Variants in EIPR1 observed in about 807,000 individuals in gnomAD.
EIPR1 encodes the protein EARP complex and GARP complex interacting protein 1, also known as EARP and GARP complex-interacting protein 1.
In EIPR1, 25 loss-of-function variants were observed where a neutral mutation model predicts 48.1. That is an observed-to-expected ratio of 0.52 (90% CI 0.38 to 0.73). EIPR1 has a LOEUF of 0.73. Ranked by LOEUF, EIPR1 falls within the 30% of genes least tolerant of loss-of-function variation. The probability of loss-of-function intolerance (pLI) is 0.00; values close to 1 mark genes in which losing one functional copy is unlikely to be tolerated. For missense variants in EIPR1, 415 were observed against 506.2 expected (o/e 0.82, Z 1.73); for synonymous variants, 204 against 201.9 (o/e 1.01, Z -0.09).
At chr2:3,317,612 C>A (rs1203402714) in intron 3 of EIPR1, among the ~76,000 whole-genome samples, 4 of 152,188 alleles carry the variant, frequency 2.6e-5, no homozygotes, top group Admixed American at 2.6e-4. Context: ...ACTGAAGACT[C>A]CAAGCTATAT....
At chr2:3,323,114 A>G (rs1669586735) in intron 3 of EIPR1, among the ~76,000 whole-genome samples, 1 of 83,522 alleles carries the variant, frequency 1.2e-5, no homozygotes, top group South Asian at 5.6e-4. Flanking sequence ...TTTTCTTTAA[A>G]AAAAAAAAAC....
intron 3 of EIPR1, among the ~76,000 whole-genome samples, chr2:3,273,529 G>A (rs970563722): frequency 1.4e-4 from 11 of 78,452 alleles, no homozygotes; most frequent in African/African-American, 2.3e-4. Context: ...TCACACACAC[G>A]CAAAAAAAAA....
chr2:3,221,700 A>AGTT (rs1237315404), intron 4 of EIPR1, among the ~76,000 whole-genome samples: 15 of 20,752 alleles, frequency 7.2e-4, no homozygotes, highest in Admixed American at 3.5e-3. Flanking sequence ...ATTCACAGTG[A>AGTT]GACCGGAACA....
chr2:3,265,979 T>C (rs1022507210), intron 3 of EIPR1, among the ~76,000 whole-genome samples: 2 of 152,176 alleles, frequency 1.3e-5, no homozygotes, highest in African/African-American at 4.8e-5. Flanking sequence ...CTACCTACTT[T>C]TCACATGTTA....
At chr2:3,354,049 C>T (rs960627371) in intron 2 of EIPR1, among the ~76,000 whole-genome samples, 10 of 152,176 alleles carry the variant, frequency 6.6e-5, no homozygotes, top group African/African-American at 1.7e-4. Context: ...GGCCATGAAC[C>T]GAATCCGATC....
intron 4 of EIPR1, among the ~76,000 whole-genome samples, chr2:3,216,038 G>T (rs887173261): frequency 6.6e-6 from 1 of 152,138 alleles, no homozygotes; most frequent in African/African-American, 2.4e-5. Context: ...TAAGACAATG[G>T]CTGACTCTAA....
chr2:3,218,259 C>T (rs1447436234), intron 4 of EIPR1, among the ~76,000 whole-genome samples: 1 of 149,806 alleles, frequency 6.7e-6, no homozygotes, highest in Non-Finnish European at 1.5e-5. Flanking sequence ...CTAGAGCGTT[C>T]ACAGTGACCC....
chr2:3,311,142 T>C (rs1232123447), intron 3 of EIPR1, among the ~76,000 whole-genome samples: 1 of 152,158 alleles, frequency 6.6e-6, no homozygotes, highest in African/African-American at 2.4e-5. Flanking sequence ...GGTTACTACT[T>C]ACTTAGGCCT....
chr2:3,307,780 T>C (rs1165271739), intron 3 of EIPR1, among the ~76,000 whole-genome samples: 1 of 152,218 alleles, frequency 6.6e-6, no homozygotes, highest in Non-Finnish European at 1.5e-5. Context: ...TTTGATAGTA[T>C]AGTAGGAAAA....
intron 1 of EIPR1, among the ~76,000 whole-genome samples, chr2:3,367,207 G>T (rs1464598012): frequency 6.6e-6 from 1 of 151,990 alleles, no homozygotes; most frequent in Non-Finnish European, 1.5e-5. Context: ...TCTTGGGTGG[G>T]TAAATCCACG....
intron 1 of EIPR1, among the ~76,000 whole-genome samples, chr2:3,376,354 T>C (rs2103398828): frequency 6.6e-6 from 1 of 152,110 alleles, no homozygotes; most frequent in South Asian, 2.1e-4. Context: ...GGGTGGCATA[T>C]GTTATTCTAC....
chr2:3,252,626 G>A (rs769210319), intron 4 of EIPR1, among the ~76,000 whole-genome samples: 45 of 152,078 alleles, frequency 3.0e-4, no homozygotes, highest in Non-Finnish European at 6.0e-4. Context: ...TGGGCAAAAT[G>A]GCAAGAAATC....
intron 3 of EIPR1, among the ~76,000 whole-genome samples, chr2:3,278,042 C>G (rs368325310): frequency 3.2e-4 from 48 of 152,300 alleles, no homozygotes; most frequent in African/African-American, 1.1e-3. Context: ...TAGGGAACTG[C>G]CCTTCCTAAT....
intron 5 of EIPR1, among the ~76,000 whole-genome samples, chr2:3,199,376 G>C (rs933470729): frequency 3.3e-5 from 5 of 152,176 alleles, no homozygotes; most frequent in African/African-American, 1.2e-4. Flanking sequence ...AAGATGACGG[G>C]ATTAAGAGAT....
chr2:3,334,508 C>T (rs1669986304), intron 3 of EIPR1, among the ~76,000 whole-genome samples: 6 of 152,268 alleles, frequency 3.9e-5, no homozygotes, highest in Admixed American at 3.3e-4. Flanking sequence ...TTTCCGGAGG[C>T]ACCTGAAGCA....
At chr2:3,195,461 T>C (rs147925844) in intron 6 of EIPR1, among the ~76,000 whole-genome samples, 29 of 152,334 alleles carry the variant, frequency 1.9e-4, no homozygotes, top group Non-Finnish European at 3.8e-4. Context: ...TCTTTTTCTC[T>C]CACATTAGAA....
intron 3 of EIPR1, among the ~76,000 whole-genome samples, chr2:3,308,268 A>C (rs1030079984): frequency 3.9e-5 from 6 of 152,218 alleles, no homozygotes; most frequent in Non-Finnish European, 8.8e-5. Flanking sequence ...ATGAGAAAAG[A>C]CAGTCAATGG....
intron 3 of EIPR1, among the ~76,000 whole-genome samples, chr2:3,332,057 A>C (rs111278197): frequency 0.12 from 12,426 of 107,226 alleles, 314 homozygotes; most frequent in East Asian, 0.33. Flanking sequence ...GTATACACTC[A>C]TGAGATGGTG....
intron 4 of EIPR1, among the ~76,000 whole-genome samples, chr2:3,225,107 A>G (rs1558235255): frequency 6.6e-6 from 1 of 152,344 alleles, no homozygotes; most frequent in South Asian, 2.1e-4. Flanking sequence ...AGGTCCAATC[A>G]AAACAAATTT....
Sources: allele counts gnomAD v4.1 joint callset (sites outside exome capture counted in the v4.1 genomes callset), GRCh38; gene constraint gnomAD v4.1.1; transcripts MANE v1.5; gene names NCBI Gene and HGNC (gene_info 2026-07-23, HGNC 2026-07-21).